Variants in DIP2B observed in about 807,000 individuals in gnomAD.
The protein encoded by DIP2B is disco-interacting protein 2 homolog B.
Under a neutral mutation model 198.0 loss-of-function variants are expected in DIP2B, and 76 were observed. That is an observed-to-expected ratio of 0.38 (90% CI 0.32 to 0.46). The LOEUF is 0.46. Among genes scored for constraint, DIP2B ranks in the 20% least tolerant of loss-of-function variants. The pLI, the probability that DIP2B is intolerant of heterozygous loss-of-function variation, is 0.99. For synonymous variants in DIP2B, 701 were observed against 739.1 expected, an observed-to-expected ratio of 0.95 and a Z score of 0.84; for missense variants, 1,559 against 1,978.4, an observed-to-expected ratio of 0.79 and a Z score of 4.02.
intron 1 of DIP2B, among the ~76,000 whole-genome samples, chr12:50,579,880 G>T (rs1958708377): frequency 6.6e-6 from 1 of 150,922 alleles, no homozygotes; most frequent in Non-Finnish European, 1.5e-5. Flanking sequence ...GATGAGATTG[G>T]CCTGGTAGGT....
In DIP2B at chr12:50,694,407, A is replaced by G. The variant is rs1487617484; in HGVS notation, c.1720-860A>G. ...GCTACTCAGGAGGCTGTGCAGGAGA[A>G]TTGTTTGAACCCAGGAGGCAGAGGT... On this transcript the variant is annotated intron_variant, in intron 14 of 37. Coordinates refer to ENST00000301180, the MANE Select transcript of DIP2B (RefSeq NM_173602.3). 2.0e-5 allele frequency among the ~76,000 whole-genome samples: 3 copies of G among 152,214 alleles called. No homozygotes were observed. In the East Asian group the frequency reaches 5.8e-4, roughly 29 times the overall value.
chr12:50,664,919 A>G (rs1003785121), intron 4 of DIP2B, among the ~76,000 whole-genome samples: 3 of 138,594 alleles, frequency 2.2e-5, no homozygotes, highest in South Asian at 2.2e-4. Flanking sequence ...CTCAATCACA[A>G]TTCACTGCAG....
At chr12:50,734,862 G>A (rs1298206508) in intron 33 of DIP2B, among the ~76,000 whole-genome samples, 1 of 152,208 alleles carries the variant, frequency 6.6e-6, no homozygotes, top group African/African-American at 2.4e-5. Flanking sequence ...AGAGGCCAGA[G>A]GTGTTGGTAA....
At position 50,744,822 on chromosome 12, in the gene DIP2B, G is replaced by A. The variant is rs1272766007; in HGVS notation, c.4714G>A (p.Val1572Met). 8 of 1,614,122 alleles carry A rather than the reference G, an allele frequency of 5.0e-6. No homozygotes were observed. Among genetic ancestry groups the A allele is most frequent in the African/African-American group, 4.0e-5 (3 of 75,026 alleles). ...AGCTGACCAGTTAGACCCCATCTAC[G>A]TGGCTTATAACATGTAACCAGCCTT... ...FLADQLDPIY[V>M]AYNM The change falls in exon 38 of 38, where the codon GTG becomes ATG. Residue 1572 changes from valine (V) to methionine (M), a missense_variant. Transcript: ENST00000301180.
rs757614290 is a variant in DIP2B, at chr12:50,723,253, C to G, written c.3218C>G (p.Pro1073Arg). The G allele has an allele frequency of 6.2e-7, 1 of 1,614,172 alleles. No homozygotes were observed. The highest frequency in any genetic ancestry group is 8.5e-7 in the Non-Finnish European group (1 of 1,180,038). The part of the protein sequence containing the change: ...FYGCLYAGCI[P>R]VTVRPPHAQN... ...GGCTGCCTGTATGCGGGCTGTATACCTGTGACCGTCAGACCTCCACATGCT... is the reference window on the plus strand; with the variant it reads ...GGCTGCCTGTATGCGGGCTGTATACGTGTGACCGTCAGACCTCCACATGCT... Residue 1073 changes from proline to arginine, a missense_variant, in exon 27 of 38, where the codon CCT (proline) becomes CGT (arginine). Pro to Arg is a moderately radical substitution (Grantham distance 103). Transcript: ENST00000301180.
At chr12:50,687,095 C>T (rs1939144856) in intron 12 of DIP2B, among the ~76,000 whole-genome samples, 1 of 152,110 alleles carries the variant, frequency 6.6e-6, no homozygotes, top group Admixed American at 6.6e-5. Flanking sequence ...CAAGAATAAA[C>T]AAATGGCTGG....
chr12:50,726,740 A>G (rs548303721), intron 28 of DIP2B, among the ~76,000 whole-genome samples: 1 of 151,170 alleles, frequency 6.6e-6, no homozygotes, highest in South Asian at 2.1e-4. Flanking sequence ...GGTTCACACA[A>G]CCCTCCTGCC....
Position 50,695,895 on chromosome 12 carries a change from G to A in DIP2B, c.1861G>A (p.Ala621Thr). The A allele has an allele frequency of 1.2e-6, 2 of 1,614,104 alleles. No individual in the cohort carries two copies. Among genetic ancestry groups the A allele is most frequent in the Non-Finnish European group, 1.7e-6 (2 of 1,179,954 alleles). Residue 621 changes from alanine to threonine, a missense_variant, in exon 16 of 38, where the codon GCA becomes ACA. Transcript: ENST00000301180. ...KCRDLHWAMM[A>T]HRDQRDVSLS... ...TCGGGACTTGCACTGGGCTATGATG[G>A]CACATCGGGACCAAAGAGACGTGAG...
intron 3 of DIP2B, among the ~76,000 whole-genome samples, chr12:50,643,026 CTGTGTGTGTGTGTGTGTGAG>C (rs1410808612): frequency 2.0e-5 from 3 of 149,710 alleles, no homozygotes; most frequent in Non-Finnish European, 4.5e-5. Flanking sequence ...CTGGGAGTTT[CTGTGTGTGTGTGTGTGTGAG>C]TGTGTGTGTG....
At chr12:50,733,796 CCTT>C (rs1247092009) in intron 32 of DIP2B, among the ~76,000 whole-genome samples, 6 of 152,342 alleles carry the variant, frequency 3.9e-5, no homozygotes, top group South Asian at 2.1e-4. Flanking sequence ...TCTTCTGTGA[CCTT>C]CTTCTTTCAG....
At chr12:50,544,628 T>C (rs28529402) in intron 1 of DIP2B, among the ~76,000 whole-genome samples, 2 of 146,426 alleles carry the variant, frequency 1.4e-5, no homozygotes, top group African/African-American at 2.5e-5. Context: ...CTTTTTCTTT[T>C]TTTTTTTTTT....
Position 50,635,478 on chromosome 12 carries a change from C to T in DIP2B, c.173-5246C>T, listed in dbSNP as rs368176408. Among the ~76,000 whole-genome samples, 19 of 152,258 alleles carry T rather than the reference C, an allele frequency of 1.2e-4. No individual in the cohort carries two copies. The East Asian group carries it at 3.1e-3, about 25-fold the overall frequency. The stretch of plus-strand genomic sequence containing the variant: ...TGGTCACCCAAAGGTTTTTCCCAAA[C>T]GTGGCTTCCTTTTGTGATTGCTGCT... On this transcript the variant is annotated intron_variant, in intron 2 of 37. Transcript: ENST00000301180.
intron 13 of DIP2B, 48 bp from the exon 14 acceptor site, chr12:50,692,901 C>G (rs760981560): frequency 1.1e-5 from 17 of 1,547,646 alleles, no homozygotes; most frequent in Admixed American, 1.9e-5. Flanking sequence ...AATTTTGCTA[C>G]TTAATACTAA....
rs1289078573 is a variant in DIP2B, at chr12:50,737,059, T to C, written c.4125T>C (p.Val1375=). ...AGATTTTACCTGGAGTGAAAGTGGTTATTGTTAATCCTGAGACCAAAGGGC... is the reference window on the plus strand; with the variant it reads ...AGATTTTACCTGGAGTGAAAGTGGTCATTGTTAATCCTGAGACCAAAGGGC... The part of the protein sequence containing the change: ...SGKILPGVKV[V]IVNPETKGPV... Residue 1375 remains valine (V), a synonymous_variant, in exon 35 of 38, where the codon GTT becomes GTC. Coordinates refer to ENST00000301180, the MANE Select transcript of DIP2B (RefSeq NM_173602.3). 6.2e-7 allele frequency: 1 copy of C among 1,613,958 alleles called. No homozygotes were observed. The highest frequency in any genetic ancestry group is 8.5e-7 in the Non-Finnish European group (1 of 1,179,980).
At chr12:50,555,001 C>CT (rs1958457833) in intron 1 of DIP2B, among the ~76,000 whole-genome samples, 1 of 151,984 alleles carries the variant, frequency 6.6e-6, no homozygotes, top group African/African-American at 2.4e-5. Context: ...GTCTCCTGAC[C>CT]TCATGATCTG....
At chr12:50,528,700 C>G (rs60494920) in intron 1 of DIP2B, among the ~76,000 whole-genome samples, 10,963 of 152,124 alleles carry the variant, frequency 0.072, 857 homozygotes, top group East Asian at 0.38. Flanking sequence ...AAGAGTATTT[C>G]TGATAGAATC....
chr12:50,683,712 G>C (rs763055655), intron 10 of DIP2B, among the ~76,000 whole-genome samples: 5 of 152,186 alleles, frequency 3.3e-5, no homozygotes, highest in Non-Finnish European at 5.9e-5. Context: ...GAACCCTAGA[G>C]GTGGAGCTTG....
intron 3 of DIP2B, among the ~76,000 whole-genome samples, chr12:50,651,012 T>C (rs1565858856): frequency 6.6e-6 from 1 of 152,214 alleles, no homozygotes; most frequent in Non-Finnish European, 1.5e-5. Flanking sequence ...CTAATGGATG[T>C]AAGTAAGGTA....
chr12:50,622,761 G>A (rs992019560), intron 1 of DIP2B, among the ~76,000 whole-genome samples: 7 of 152,216 alleles, frequency 4.6e-5, no homozygotes, highest in Admixed American at 1.3e-4. Flanking sequence ...ACAGGCACGC[G>A]CCACCACTCT....
Sources: gnomAD v4.1 joint callset for allele counts (sites outside exome capture counted in the v4.1 genomes callset) on GRCh38, gnomAD v4.1.1 for gene constraint, MANE v1.5 for transcripts, NCBI Gene and HGNC (gene_info 2026-07-23, HGNC 2026-07-21) for gene names.